The following ZFP14 variants were observed in gnomAD, a reference collection of about 807,000 sequenced individuals.
ZFP14 encodes the protein zinc finger protein 14 homolog.
Under a neutral mutation model 54.5 loss-of-function variants are expected in ZFP14, and 22 were observed. That is an observed-to-expected ratio of 0.40 (90% CI 0.29 to 0.58). The LOEUF is 0.58. Among genes scored for constraint, ZFP14 ranks in the 20% least tolerant of loss-of-function variants. The probability of loss-of-function intolerance (pLI) is 0.39; values close to 1 mark genes in which losing one functional copy is unlikely to be tolerated. For missense variants in ZFP14, 470 were observed against 637.8 expected (o/e 0.74, Z 2.83); for synonymous variants, 159 against 204.0 (o/e 0.78, Z 1.88).
rs1036973395 is a variant in ZFP14 at position 36,338,239 on chromosome 19, C to T, written c.*1985G>A. The T allele has an allele frequency of 4.6e-5, 7 of 152,132 alleles. No individual in the cohort carries two copies. The highest frequency in any genetic ancestry group is 1.7e-4 in the African/African-American group (7 of 41,432). 9.4% of individuals were successfully genotyped at this position (152,132 alleles called of 1,614,324 possible). A position where few individuals can be genotyped will look rare whatever the true frequency, so the allele number is the denominator to read the frequency against. On this transcript the variant is annotated 3_prime_UTR_variant, in exon 5 of 5. Transcript: ENST00000270001. ...CTCCTGGCCTCAAGTGATCCACCCA[C>T]CTTGTCCTCCCAAAGTGCTGGGATT...
At chr19:36,343,922 G>A (rs988580471) in intron 4 of ZFP14, among the ~76,000 whole-genome samples, 1 of 152,180 alleles carries the variant, frequency 6.6e-6, no homozygotes, top group Non-Finnish European at 1.5e-5. Context: ...ACCCCTCATA[G>A]ATCCCACCCA....
At chr19:36,364,336 G>A (rs2031758394) in intron 2 of ZFP14, among the ~76,000 whole-genome samples, 1 of 152,200 alleles carries the variant, frequency 6.6e-6, no homozygotes, top group African/African-American at 2.4e-5. Flanking sequence ...TGAACAAGCA[G>A]GGGTATGGGA....
intron 4 of ZFP14, among the ~76,000 whole-genome samples, chr19:36,342,913 C>G (rs2031348915): frequency 6.6e-6 from 1 of 152,176 alleles, no homozygotes; most frequent in Non-Finnish European, 1.5e-5. Flanking sequence ...ACTCATAAGC[C>G]AATCATCTAC....
Position 36,352,896 on chromosome 19 carries a change from G to A in ZFP14, c.235+7539C>T, listed in dbSNP as rs542400408. Among the ~76,000 whole-genome samples, 10 of 137,398 alleles carry A rather than the reference G, an allele frequency of 7.3e-5. 2 individuals are homozygous for A. In the South Asian group the frequency reaches 9.2e-4, roughly 13 times the overall value. The allele number at this position is 137,398 out of a possible 152,430, so 90.1% of individuals were successfully genotyped here. On this transcript the variant is annotated intron_variant, in intron 4 of 4. Coordinates refer to ENST00000270001, the MANE Select transcript of ZFP14 (RefSeq NM_020917.3). The stretch of plus-strand genomic sequence containing the variant: ...GCGGAGCTTGCAGTGAGCCGAGATC[G>A]CGCCACTGCACTCCAGCCCGGGCGA...
At chr19:36,350,013 A>C (rs889868194) in intron 4 of ZFP14, among the ~76,000 whole-genome samples, 1 of 140,078 alleles carries the variant, frequency 7.1e-6, no homozygotes, top group African/African-American at 2.6e-5. Context: ...TACACACACA[A>C]AAAAGTAGCT....
intron 2 of ZFP14, chr19:36,362,941 G>A (rs369888829): frequency 2.9e-4 from 56 of 189,946 alleles, no homozygotes; most frequent in African/African-American, 1.3e-3. Flanking sequence ...TTCGATGGCA[G>A]TCTACATTTT....
intron 4 of ZFP14, among the ~76,000 whole-genome samples, chr19:36,348,395 G>C (rs915388455): frequency 1.7e-4 from 26 of 152,212 alleles, no homozygotes; most frequent in African/African-American, 6.3e-4. Context: ...TGGCCTTCAT[G>C]AGATCAGAAT....
In ZFP14 at chr19:36,341,671, A is replaced by G. The variant is rs2031318923; in HGVS notation, c.236-81T>C. 4 of 1,378,244 alleles carry G rather than the reference A, an allele frequency of 2.9e-6. No homozygotes were observed. The highest frequency in any genetic ancestry group is 2.9e-6 in the Non-Finnish European group (3 of 1,044,134). 85.4% of individuals were successfully genotyped at this position (1,378,244 alleles called of 1,614,324 possible). The stretch of plus-strand genomic sequence containing the variant: ...ACAAACAAACAAAAAAACCACTTCT[A>G]TAGAGAAAAGGCACCTAAAATAATG... On this transcript the variant is annotated intron_variant, in intron 4 of 4. Transcript: ENST00000270001. This position sits in a 1 kb window ranked among gnomAD's most constrained non-coding sequence, Gnocchi z 4.2.
At chr19:36,364,957 CTTCT>C (rs915168537) in intron 2 of ZFP14, among the ~76,000 whole-genome samples, 2 of 148,676 alleles carry the variant, frequency 1.3e-5, no homozygotes, top group East Asian at 2.0e-4. Flanking sequence ...TTCCTTCCTC[CTTCT>C]TTCTTTCTTT....
chr19:36,357,902 C>A (rs991768766), intron 4 of ZFP14, among the ~76,000 whole-genome samples: 1 of 151,740 alleles, frequency 6.6e-6, no homozygotes, highest in Admixed American at 6.6e-5. Flanking sequence ...ACCACCATGC[C>A]TGGCTAATTT....
intron 2 of ZFP14, among the ~76,000 whole-genome samples, chr19:36,364,994 C>CTTTTTTTTTTTTTTTTTTTTTTTTTT (rs398034482): frequency 3.2e-5 from 2 of 61,972 alleles, no homozygotes; most frequent in East Asian, 5.2e-4. Context: ...TTTTCTTTTT[C>CTTTTTTTTTTTTTTTTTTTTTTTTTT]TTTTTTTTTT....
rs1350642763 is a variant in ZFP14, at chr19:36,335,727, T to C, written c.*4497A>G. ...GTTTGTGCATGTGTGCATGTATAGT[T>C]TTACCATATTATGTTTATTATTTTT... On this transcript the variant is annotated 3_prime_UTR_variant, in exon 5 of 5. Transcript: ENST00000270001. 1 of 152,158 alleles carries C rather than the reference T, an allele frequency of 6.6e-6. No individual in the cohort carries two copies. Among genetic ancestry groups the C allele is most frequent in the Non-Finnish European group, 1.5e-5 (1 of 68,032 alleles). The allele number at this position is 152,158 out of a possible 1,614,324, so 9.4% of individuals were successfully genotyped here.
At chr19:36,350,149 A>C (rs1255206317) in intron 4 of ZFP14, among the ~76,000 whole-genome samples, 1 of 141,734 alleles carries the variant, frequency 7.1e-6, no homozygotes, top group Admixed American at 7.3e-5. Context: ...AAAAAAAAAA[A>C]CAGAAAAGAA....
intron 4 of ZFP14, among the ~76,000 whole-genome samples, chr19:36,349,678 A>ATATATATAT (rs754447231): frequency 1.2e-4 from 17 of 145,650 alleles, no homozygotes; most frequent in Admixed American, 3.4e-4. Context: ...AAACAAAAAA[A>ATATATATAT]AAATATATAT....
In ZFP14 at chr19:36,360,962, G is replaced by A. The variant is rs537917228; in HGVS notation, c.137-429C>T. On this transcript the variant is annotated intron_variant, in intron 3 of 4. Coordinates refer to ENST00000270001, the MANE Select transcript of ZFP14 (RefSeq NM_020917.3). ...GAAGATAATAATATCTTCTCATAGC[G>A]TTGTTGTGAGGGTTAATTAATAATG... Among the ~76,000 whole-genome samples, 218 of 152,220 alleles carry A rather than the reference G, an allele frequency of 1.4e-3. 1 individual carries two copies. The highest frequency in any genetic ancestry group is 2.7e-3 in the Non-Finnish European group (183 of 68,008).
intron 1 of ZFP14, 71 bp from the exon 2 acceptor site, chr19:36,368,042 A>G (rs11084857): frequency 0.38 from 341,443 of 909,302 alleles, 66,789 homozygotes; most frequent in South Asian, 0.44. Flanking sequence ...CATCATAAAT[A>G]TGAAAACTTT....
intron 4 of ZFP14, among the ~76,000 whole-genome samples, chr19:36,356,929 C>G (rs959225981): frequency 1.3e-5 from 2 of 151,960 alleles, no homozygotes; most frequent in African/African-American, 4.8e-5. Flanking sequence ...GGTCCCTTGT[C>G]AGATATGTTT....
At chr19:36,359,627 T>C (rs1161154670) in intron 4 of ZFP14, among the ~76,000 whole-genome samples, 3 of 152,124 alleles carry the variant, frequency 2.0e-5, no homozygotes, top group Non-Finnish European at 2.9e-5. Context: ...ATAAAGTAAT[T>C]CATGGCATTC....
At chr19:36,370,537 A>G (rs2945950) in intron 1 of ZFP14, among the ~76,000 whole-genome samples, 103,269 of 152,224 alleles carry the variant, frequency 0.68, 35,312 homozygotes, top group African/African-American at 0.75. Flanking sequence ...GCAACAGGCA[A>G]GCCTCAGTGG....
Sources: gnomAD v4.1 joint callset for allele counts (sites outside exome capture counted in the v4.1 genomes callset) on GRCh38, gnomAD v4.1.1 for gene constraint, Gnocchi (gnomAD v3.1) non-coding constraint, MANE v1.5 for transcripts, NCBI Gene and HGNC (gene_info 2026-07-23, HGNC 2026-07-21) for gene names.